The following MAP4K4 variants were observed in gnomAD, a reference collection of about 807,000 sequenced individuals.
MAP4K4 encodes the protein mitogen-activated protein kinase kinase kinase kinase 4, also known as HPK/GCK-like kinase HGK.
Under a neutral mutation model 189.6 loss-of-function variants are expected in MAP4K4, and 38 were observed. The observed-to-expected ratio is 0.20, with a 90% CI of 0.15 to 0.26. The LOEUF (loss-of-function observed/expected upper bound fraction) is 0.26. Among genes scored for constraint, MAP4K4 ranks in the 10% least tolerant of loss-of-function variants. The pLI is 1.00. For missense variants in MAP4K4, 1,054 were observed against 1,726.9 expected (o/e 0.61, Z 6.91); for synonymous variants, 610 against 624.3 (o/e 0.98, Z 0.34).
chr2:101,885,339 C>T, intron 29 of MAP4K4, 52 bp downstream of exon 29: 1 of 1,056,322 alleles, frequency 9.5e-7, no homozygotes, highest in East Asian at 2.5e-5. Context: ...AAGCTGCAAC[C>T]AAGAGTCAGG....
intron 2 of MAP4K4, among the ~76,000 whole-genome samples, chr2:101,764,225 A>G (rs1489121918): frequency 6.6e-6 from 1 of 152,206 alleles, no homozygotes; most frequent in African/African-American, 2.4e-5. Flanking sequence ...TGAGTGTCAA[A>G]CATATGTAGC....
At chr2:101,743,342 A>G (rs1013615616) in intron 2 of MAP4K4, among the ~76,000 whole-genome samples, 1 of 152,190 alleles carries the variant, frequency 6.6e-6, no homozygotes, top group Non-Finnish European at 1.5e-5. Flanking sequence ...TAACAAAACG[A>G]CAGAGTTCTC....
intron 2 of MAP4K4, among the ~76,000 whole-genome samples, chr2:101,709,118 T>A (rs1035957653): frequency 3.3e-5 from 5 of 152,202 alleles, no homozygotes; most frequent in Non-Finnish European, 7.3e-5. Context: ...CCTGAGTGAC[T>A]GTCTGGATGA....
intron 2 of MAP4K4, among the ~76,000 whole-genome samples, chr2:101,768,893 A>T (rs1416997572): frequency 6.6e-6 from 1 of 152,218 alleles, no homozygotes; most frequent in Non-Finnish European, 1.5e-5. Context: ...CCAGTTCTCA[A>T]TAGGCACAGG....
exon 33 of MAP4K4, chr2:101,891,577 C>T (rs903380512): frequency 1.1e-4 from 22 of 206,198 alleles, no homozygotes; most frequent in Non-Finnish European, 2.1e-4. Flanking sequence ...AATTCCTTGT[C>T]TCTGAATGAC....
At chr2:101,889,129 T>C (rs1398066515) in intron 32 of MAP4K4, among the ~76,000 whole-genome samples, 194 bp downstream of exon 32, 1 of 152,210 alleles carries the variant, frequency 6.6e-6, no homozygotes, top group East Asian at 1.9e-4. Flanking sequence ...TAGAGATATT[T>C]TTCTCTGTAG....
chr2:101,714,593 A>G (rs1027204619), intron 2 of MAP4K4, among the ~76,000 whole-genome samples: 21 of 152,190 alleles, frequency 1.4e-4, no homozygotes, highest in African/African-American at 5.1e-4. Flanking sequence ...CCGTGAGAAA[A>G]TGAGCCTTCC....
intron 2 of MAP4K4, among the ~76,000 whole-genome samples, chr2:101,753,495 CT>C (rs1455712041): frequency 1.3e-5 from 2 of 152,120 alleles, no homozygotes; most frequent in African/African-American, 4.8e-5. Flanking sequence ...AGATATCCAT[CT>C]TTTTTTGTTG....
intron 27 of MAP4K4, among the ~76,000 whole-genome samples, chr2:101,881,056 G>A (rs187315957): frequency 6.6e-6 from 1 of 152,176 alleles, no homozygotes; most frequent in Non-Finnish European, 1.5e-5. Flanking sequence ...TGTGGATCAA[G>A]TTGGAAAGTA....
chr2:101,800,136 T>A (rs866799979), intron 3 of MAP4K4, among the ~76,000 whole-genome samples: 175 of 130,888 alleles, frequency 1.3e-3, no homozygotes, highest in African/African-American at 4.6e-3. Flanking sequence ...AAAAAAAAAA[T>A]AATAATTTTT....
At chr2:101,725,388 A>C (rs1283117320) in intron 2 of MAP4K4, among the ~76,000 whole-genome samples, 1 of 61,282 alleles carries the variant, frequency 1.6e-5, no homozygotes, top group Non-Finnish European at 4.0e-5. Context: ...AAAGATAAGC[A>C]AAAAAAAAAA....
chr2:101,841,405 C>A (rs974037582), intron 10 of MAP4K4, among the ~76,000 whole-genome samples: 1 of 151,826 alleles, frequency 6.6e-6, no homozygotes, highest in Non-Finnish European at 1.5e-5. Context: ...TGTAGACTGA[C>A]AAATTTGTAC....
At chr2:101,728,937 AAATC>A (rs2056970447) in intron 2 of MAP4K4, among the ~76,000 whole-genome samples, 6 of 152,248 alleles carry the variant, frequency 3.9e-5, no homozygotes, top group Admixed American at 3.9e-4. Flanking sequence ...ATTAAGAATA[AAATC>A]AATCTGTTGA....
intron 2 of MAP4K4, among the ~76,000 whole-genome samples, chr2:101,747,414 G>A (rs796259764): frequency 3.3e-5 from 5 of 152,132 alleles, no homozygotes; most frequent in Non-Finnish European, 5.9e-5. Context: ...CACCATGCCC[G>A]GCCTTGTGTC....
Position 101,867,936 on chromosome 2 carries a change from C to T in MAP4K4, c.2455-93C>T, listed in dbSNP as rs72991237. 287 of 1,218,294 alleles carry T rather than the reference C, an allele frequency of 2.4e-4. No homozygotes were observed. The African/African-American group carries it at 3.6e-3, about 15-fold the overall frequency. 75.5% of individuals were successfully genotyped at this position (1,218,294 alleles called of 1,614,324 possible). A position where few individuals can be genotyped will look rare whatever the true frequency, so the allele number is the denominator to read the frequency against. On this transcript the variant is annotated intron_variant, in intron 20 of 32. Transcript: ENST00000324219. Reference sequence around the variant, plus strand: ...TGCTTGAACTGATTTCTGTACTTCTCCCTCTCCCCTTCTTTCTCCCGCGCT... The same window carrying T: ...TGCTTGAACTGATTTCTGTACTTCTTCCTCTCCCCTTCTTTCTCCCGCGCT...
At chr2:101,724,679 T>C (rs2054224444) in intron 2 of MAP4K4, among the ~76,000 whole-genome samples, 1 of 152,238 alleles carries the variant, frequency 6.6e-6, no homozygotes, top group South Asian at 2.1e-4. Flanking sequence ...AAGGAATATG[T>C]AGTTCTCTTC....
chr2:101,766,047 T>G (rs1049914215), intron 2 of MAP4K4, among the ~76,000 whole-genome samples: 1 of 152,218 alleles, frequency 6.6e-6, no homozygotes, highest in Non-Finnish European at 1.5e-5. Flanking sequence ...GTGGACACTT[T>G]CATTGGCCCT....
exon 16 of MAP4K4, chr2:101,860,914 C>A: frequency 6.2e-7 from 1 of 1,607,526 alleles, no homozygotes; most frequent in Non-Finnish European, 8.5e-7. Context: ...CAGTGCCTTC[C>A]CGATCAGAGT....
intron 7 of MAP4K4, among the ~76,000 whole-genome samples, chr2:101,833,674 G>A (rs2096656229): frequency 6.6e-6 from 1 of 151,216 alleles, no homozygotes; most frequent in South Asian, 2.1e-4. Context: ...ATCAGGCAAT[G>A]TTTAGTGAGT....
Sources: allele counts gnomAD v4.1 joint callset (sites outside exome capture counted in the v4.1 genomes callset), GRCh38; gene constraint gnomAD v4.1.1; transcripts MANE v1.5; gene names NCBI Gene and HGNC (gene_info 2026-07-23, HGNC 2026-07-21).